Variants in SLC39A11 observed in about 807,000 individuals in gnomAD.
The protein encoded by SLC39A11 is solute carrier family 39 member 11.
A neutral mutation model predicts 36.1 loss-of-function variants in SLC39A11; 33 were observed. The ratio of observed to expected loss-of-function variants is 0.91; its 90% CI spans 0.69 to 1.22. The LOEUF is 1.22. SLC39A11 is among the 50% of genes most tolerant of loss of function. The probability of loss-of-function intolerance (pLI) is 0.00; values close to 1 mark genes in which losing one functional copy is unlikely to be tolerated. For missense variants in SLC39A11, 432 were observed against 430.3 expected (o/e 1.00, Z -0.03); for synonymous variants, 166 against 170.3 (o/e 0.97, Z 0.20).
chr17:72,662,446 GA>G (rs370785563), intron 7 of SLC39A11, among the ~76,000 whole-genome samples: 6,600 of 102,314 alleles, frequency 0.065, 160 homozygotes, highest in Middle Eastern at 0.099. Context: ...AGAAAGAAAA[GA>G]AAAAAAAGAA....
chr17:72,648,873 C>A lies in SLC39A11; in HGVS notation c.859G>T (p.Ala287Ser). 1 of 1,614,140 alleles carries A rather than the reference C, an allele frequency of 6.2e-7. No homozygotes were observed. The highest frequency in any genetic ancestry group is 8.5e-7 in the Non-Finnish European group (1 of 1,180,022). Residue 287 changes from alanine (A) to serine (S), a missense_variant, in exon 9 of 10, where the codon GCT (alanine) becomes TCT (serine). By Grantham distance (99) the Ala-to-Ser change is moderately conservative. Coordinates refer to ENST00000255559, the MANE Select transcript of SLC39A11 (RefSeq NM_139177.4). ...VVLAEPILPY[A>S]LAFAAGAMVY... is the part of the protein sequence containing the mutation. ...ATGGCACCGGCAGCAAAGGCCAGAGCGTAGGGCAGGATGGGCTCAGCCAGC... is the reference window on the plus strand; with the variant it reads ...ATGGCACCGGCAGCAAAGGCCAGAGAGTAGGGCAGGATGGGCTCAGCCAGC...
At chr17:73,009,029 T>C (rs1449846086) in intron 4 of SLC39A11, among the ~76,000 whole-genome samples, 2 of 118,154 alleles carry the variant, frequency 1.7e-5, no homozygotes, top group Non-Finnish European at 3.2e-5. Flanking sequence ...AATGCTGCAC[T>C]CCAGCCTGGG....
intron 7 of SLC39A11, among the ~76,000 whole-genome samples, chr17:72,669,069 A>G (rs2070879854): frequency 6.6e-6 from 1 of 152,258 alleles, no homozygotes; most frequent in Non-Finnish European, 1.5e-5. Flanking sequence ...GAACAGGGTC[A>G]GTATATTCGA....
chr17:72,845,322 C>T (rs2079000894), intron 6 of SLC39A11, among the ~76,000 whole-genome samples: 1 of 152,246 alleles, frequency 6.6e-6, no homozygotes, highest in African/African-American at 2.4e-5. Context: ...GTACTTCTCT[C>T]CCTGCTGCTC....
chr17:72,787,169 T>G (rs1447911015), intron 6 of SLC39A11, among the ~76,000 whole-genome samples: 1 of 151,576 alleles, frequency 6.6e-6, no homozygotes, highest in Admixed American at 6.6e-5. Context: ...TATCAGCTTA[T>G]GCGGATGAAT....
intron 6 of SLC39A11, among the ~76,000 whole-genome samples, chr17:72,748,720 T>C (rs2075040709): frequency 6.6e-6 from 1 of 152,232 alleles, no homozygotes; most frequent in African/African-American, 2.4e-5. Context: ...CAGATCTCTG[T>C]GTTTCCTCAG....
intron 7 of SLC39A11, among the ~76,000 whole-genome samples, chr17:72,728,281 TACA>T (rs896833066): frequency 2.0e-5 from 3 of 151,968 alleles, no homozygotes; most frequent in Admixed American, 6.6e-5. Flanking sequence ...CTACAAAAAA[TACA>T]ACAATTAGCT....
At chr17:72,744,130 C>G (rs1250799266) in intron 6 of SLC39A11, among the ~76,000 whole-genome samples, 2 of 152,164 alleles carry the variant, frequency 1.3e-5, no homozygotes, top group Non-Finnish European at 2.9e-5. Context: ...GAGATAAACC[C>G]AGGCTCAAAT....
chr17:73,023,478 T>C (rs2058426006), intron 4 of SLC39A11, among the ~76,000 whole-genome samples: 1 of 152,022 alleles, frequency 6.6e-6, no homozygotes, highest in African/African-American at 2.4e-5. Flanking sequence ...GTGCTGGTTT[T>C]TTTTGTTGTT....
intron 7 of SLC39A11, among the ~76,000 whole-genome samples, chr17:72,736,382 T>C (rs1266385305): frequency 2.0e-5 from 3 of 152,192 alleles, no homozygotes; most frequent in Non-Finnish European, 4.4e-5. Flanking sequence ...ACCTTTGAAG[T>C]GCTTAGAGTA....
In SLC39A11 at chr17:72,833,732, T is replaced by C. The variant is rs539981027; in HGVS notation, c.601+15902A>G. 2.6e-5 allele frequency among the ~76,000 whole-genome samples: 4 copies of C among 152,206 alleles called. 1 individual carries two copies. In the South Asian group the frequency reaches 8.3e-4, roughly 32 times the overall value. On this transcript the variant is annotated intron_variant, in intron 6 of 9. Transcript: ENST00000255559. ...TAACACATAACACCAGAGGACAAGA[T>C]GATGAGCTACTATTTCAGCCCTTGT... is the stretch of plus-strand genomic sequence containing the variant.
chr17:73,091,932 AGAGGCTGGT>A (rs2060937634), intron 1 of SLC39A11: 1 of 152,172 alleles, frequency 6.6e-6, no homozygotes, highest in African/African-American at 2.4e-5. Flanking sequence ...AGTCAGTTCA[AGAGGCTGGT>A]GAAGTTGCAG....
At chr17:72,707,322 T>C (rs1234284826) in intron 7 of SLC39A11, among the ~76,000 whole-genome samples, 1 of 152,164 alleles carries the variant, frequency 6.6e-6, no homozygotes, top group Admixed American at 6.5e-5. Flanking sequence ...GAGGATCATA[T>C]GAGCCCAGGA....
At chr17:72,774,220 C>T (rs2567534) in intron 6 of SLC39A11, among the ~76,000 whole-genome samples, 2 of 151,966 alleles carry the variant, frequency 1.3e-5, no homozygotes, top group African/African-American at 2.4e-5. Flanking sequence ...GAGGAAGGCA[C>T]GGAGCAGACA....
At chr17:73,077,895 T>C (rs1159435237) in intron 3 of SLC39A11, among the ~76,000 whole-genome samples, 1 of 152,196 alleles carries the variant, frequency 6.6e-6, no homozygotes, top group Non-Finnish European at 1.5e-5. Flanking sequence ...CTTTCTTGTT[T>C]TATTTTGGTT....
Position 72,648,881 on chromosome 17 carries a change from A to G in SLC39A11, c.851T>C (p.Leu284Pro). 1 of 1,614,184 alleles carries G rather than the reference A, an allele frequency of 6.2e-7. No homozygotes were observed. The highest frequency in any genetic ancestry group is 8.5e-7 in the Non-Finnish European group (1 of 1,180,028). Residue 284 changes from leucine (L) to proline (P), a missense_variant, in exon 9 of 10, where the codon CTG (leucine) becomes CCG (proline). Physicochemically the swap from Leu to Pro is moderately conservative, Grantham distance 98. Transcript: ENST00000255559. ...GGCAGCAAAGGCCAGAGCGTAGGGC[A>G]GGATGGGCTCAGCCAGCACCACGGC... is the stretch of plus-strand genomic sequence containing the variant. ...AFAVVLAEPI[L>P]PYALAFAAGA...
chr17:72,650,594 T>G, intron 7 of SLC39A11, among the ~76,000 whole-genome samples: 1 of 152,084 alleles, frequency 6.6e-6, no homozygotes, highest in East Asian at 1.9e-4. Flanking sequence ...AAGCAGCCCC[T>G]CCATGAAGGG....
At chr17:73,027,458 C>G (rs1056731301) in intron 4 of SLC39A11, among the ~76,000 whole-genome samples, 5 of 152,328 alleles carry the variant, frequency 3.3e-5, no homozygotes, top group African/African-American at 1.2e-4. Context: ...TAACAGTTAC[C>G]GCAGAGCTTC....
chr17:72,689,078 T>C (rs1007208218), intron 7 of SLC39A11, among the ~76,000 whole-genome samples: 3 of 152,154 alleles, frequency 2.0e-5, no homozygotes, highest in South Asian at 4.1e-4. Context: ...TCCTGTGCCA[T>C]GGACCCCTCC....
Sources: gnomAD v4.1 joint callset for allele counts (sites outside exome capture counted in the v4.1 genomes callset) on GRCh38, gnomAD v4.1.1 for gene constraint, MANE v1.5 for transcripts, NCBI Gene and HGNC (gene_info 2026-07-23, HGNC 2026-07-21) for gene names.